FHOD3: variants seen among roughly 807,000 people sequenced by gnomAD.
The protein encoded by FHOD3 is FH1/FH2 domain-containing protein 3.
Under a neutral mutation model 173.0 loss-of-function variants are expected in FHOD3, and 90 were observed. The observed-to-expected ratio is 0.52, with a 90% CI of 0.44 to 0.62. The LOEUF (loss-of-function observed/expected upper bound fraction) is 0.62. Among genes scored for constraint, FHOD3 ranks in the 20% least tolerant of loss-of-function variants. FHOD3 has a pLI of 0.00. For synonymous variants in FHOD3, 828 were observed against 823.0 expected, an observed-to-expected ratio of 1.01 and a Z score of -0.10; for missense variants, 1,945 against 2,034.7, an observed-to-expected ratio of 0.96 and a Z score of 0.85.
chr18:36,334,262 A>G (rs548812798), intron 1 of FHOD3, among the ~76,000 whole-genome samples: 1 of 152,350 alleles, frequency 6.6e-6, no homozygotes, highest in African/African-American at 2.4e-5. Flanking sequence ...ATTCATTAGG[A>G]AAAAAATGGG....
At chr18:36,569,154 A>C (rs887863846) in intron 5 of FHOD3, among the ~76,000 whole-genome samples, 5 of 152,224 alleles carry the variant, frequency 3.3e-5, no homozygotes, top group Admixed American at 6.5e-5. Context: ...ATTACATATG[A>C]CTGGTCTAAT....
At position 36,742,828 on chromosome 18, in the gene FHOD3, C is replaced by T. The variant is rs746712580; in HGVS notation, c.3851C>T (p.Ala1284Val). ...GGCTTTATCCTGTCTACTCTCTTAG[C>T]CATTGGGAACTTTCTAAATGGAACT... ...TLGFILSTLL[A>V]IGNFLNGTNA... Residue 1284 changes from alanine to valine, a missense_variant, in exon 22 of 29, where the codon GCC becomes GTC. By Grantham distance (64) the Ala-to-Val change is moderately conservative. Transcript: ENST00000590592. 44 of 1,613,810 alleles carry T rather than the reference C, an allele frequency of 2.7e-5. No individual in the cohort carries two copies. The highest frequency in any genetic ancestry group is 3.6e-5 in the Non-Finnish European group (43 of 1,179,906).
intron 23 of FHOD3, 33 bp from the exon 24 acceptor site, chr18:36,746,912 C>A: frequency 6.5e-7 from 1 of 1,530,846 alleles, no homozygotes; most frequent in Non-Finnish European, 8.8e-7. Flanking sequence ...CCGGCGGTTT[C>A]AGTGTTTGCA....
chr18:36,488,765 A>G (rs917077466), intron 3 of FHOD3, among the ~76,000 whole-genome samples: 6 of 152,210 alleles, frequency 3.9e-5, no homozygotes, highest in African/African-American at 1.4e-4. Flanking sequence ...TTCCTCTGAA[A>G]TGCAAATATG....
Position 36,652,853 on chromosome 18 carries a change from C to T in FHOD3, c.1570C>T (p.His524Tyr), listed in dbSNP as rs992840595. The T allele has an allele frequency of 5.1e-5, 78 of 1,535,876 alleles. No homozygotes were observed. The highest frequency in any genetic ancestry group is 6.3e-5 in the Non-Finnish European group (72 of 1,146,726). ...KLPYVPHSPF[H>Y]LFSYDFEDSS... Reference sequence around the variant, plus strand: ...GCCCTACGTGCCCCACAGCCCCTTCCACCTCTTCTCCTATGACTTTGAGGA... The same window carrying T: ...GCCCTACGTGCCCCACAGCCCCTTCTACCTCTTCTCCTATGACTTTGAGGA... Residue 524 changes from histidine to tyrosine, a missense_variant, in exon 12 of 29, where the codon CAC becomes TAC. Physicochemically the swap from His to Tyr is moderately conservative, Grantham distance 83 (BLOSUM62 2). Around this residue, in one of 5 missense-constraint regions of FHOD3, gnomAD observed 1,099 missense variants for 1,051.2 expected, o/e 1.05. Transcript: ENST00000590592.
At chr18:36,590,395 G>C (rs2059175856) in intron 6 of FHOD3, among the ~76,000 whole-genome samples, 1 of 135,946 alleles carries the variant, frequency 7.4e-6, no homozygotes, top group African/African-American at 2.6e-5. Flanking sequence ...GAATTCTTTT[G>C]ATGGAATGTA....
intron 3 of FHOD3, among the ~76,000 whole-genome samples, chr18:36,495,868 A>G (rs1364129856): frequency 6.6e-6 from 1 of 152,212 alleles, no homozygotes; most frequent in South Asian, 2.1e-4. Flanking sequence ...ACCTCGAGGA[A>G]TCCTTGCACA....
At chr18:36,362,192 G>C (rs2145881858) in intron 2 of FHOD3, among the ~76,000 whole-genome samples, 1 of 152,264 alleles carries the variant, frequency 6.6e-6, no homozygotes, top group Non-Finnish European at 1.5e-5. Flanking sequence ...GGGAGGCCTT[G>C]ATCAGATGTA....
At chr18:36,578,092 C>G (rs991615063) in intron 6 of FHOD3, among the ~76,000 whole-genome samples, 2 of 152,166 alleles carry the variant, frequency 1.3e-5, no homozygotes, top group African/African-American at 4.8e-5. Flanking sequence ...CTGAATTAAA[C>G]AGGTCACAGA....
intron 8 of FHOD3, among the ~76,000 whole-genome samples, chr18:36,605,472 GT>G (rs1357682396): frequency 2.0e-5 from 3 of 152,136 alleles, no homozygotes; most frequent in African/African-American, 7.2e-5. Context: ...CTCATCCTTT[GT>G]TAGTTCTGGC....
intron 5 of FHOD3, among the ~76,000 whole-genome samples, chr18:36,523,849 A>G (rs939175901): frequency 2.0e-5 from 3 of 152,194 alleles, no homozygotes; most frequent in Non-Finnish European, 4.4e-5. Context: ...CATGCTCCAT[A>G]TTAATTGCTG....
chr18:36,653,022 T>G, intron 12 of FHOD3, 93 bp downstream of exon 12: 2 of 1,429,058 alleles, frequency 1.4e-6, no homozygotes, highest in South Asian at 3.0e-5. Flanking sequence ...TTCTGCCATG[T>G]TTTTTTGTGG....
At chr18:36,596,318 C>CTAAT (rs1244716448) in intron 7 of FHOD3, among the ~76,000 whole-genome samples, 32 of 104,604 alleles carry the variant, frequency 3.1e-4, no homozygotes, top group African/African-American at 1.1e-3. Context: ...CCATGCCCAG[C>CTAAT]TAATTTTTTT....
At chr18:36,641,324 C>G (rs910849253) in intron 10 of FHOD3, among the ~76,000 whole-genome samples, 6 of 152,124 alleles carry the variant, frequency 3.9e-5, no homozygotes, top group Admixed American at 6.5e-5. Context: ...TGAGGAGGTT[C>G]ACGAAGGGAA....
chr18:36,756,098 A>G (rs914736742), intron 25 of FHOD3, among the ~76,000 whole-genome samples: 16 of 152,332 alleles, frequency 1.1e-4, no homozygotes, highest in Non-Finnish European at 2.1e-4. Flanking sequence ...TACATAGTGC[A>G]GGTTCCTTTT....
intron 24 of FHOD3, among the ~76,000 whole-genome samples, chr18:36,750,071 C>T (rs1035951291): frequency 3.3e-5 from 5 of 151,970 alleles, no homozygotes; most frequent in African/African-American, 4.8e-5. Context: ...GGGTGGATCA[C>T]GAGGTCAGGA....
At chr18:36,654,591 T>A (rs760027757) in intron 13 of FHOD3, among the ~76,000 whole-genome samples, 1 of 152,220 alleles carries the variant, frequency 6.6e-6, no homozygotes, top group Non-Finnish European at 1.5e-5. Context: ...CCTGATTTCA[T>A]GTTTCAGTTC....
At chr18:36,684,948 A>T (rs181922439) in intron 15 of FHOD3, among the ~76,000 whole-genome samples, 1 of 152,184 alleles carries the variant, frequency 6.6e-6, no homozygotes, top group Non-Finnish European at 1.5e-5. Flanking sequence ...GACTACAGGC[A>T]TGTACATGGG....
chr18:36,723,675 T>C (rs1316004603), intron 19 of FHOD3, among the ~76,000 whole-genome samples: 1 of 152,142 alleles, frequency 6.6e-6, no homozygotes, highest in Non-Finnish European at 1.5e-5. Flanking sequence ...GTCTGTCGCC[T>C]TTCATGGAAG....
Sources: gnomAD v4.1 joint callset for allele counts (sites outside exome capture counted in the v4.1 genomes callset) on GRCh38, gnomAD v4.1.1 for gene constraint, gnomAD v4.1.1 regional missense constraint, MANE v1.5 for transcripts, NCBI Gene and HGNC (gene_info 2026-07-23, HGNC 2026-07-21) for gene names.